Variants in PCLO observed in about 807,000 individuals in gnomAD.
PCLO encodes protein piccolo.
PCLO carries 82 observed loss-of-function variants against 427.5 expected under a neutral mutation model. The observed-to-expected ratio is 0.19, with a 90% CI of 0.16 to 0.23. The LOEUF (loss-of-function observed/expected upper bound fraction) is 0.23, where lower values mean the gene tolerates loss of function less well. Among genes scored for constraint, PCLO ranks in the 10% least tolerant of loss-of-function variants. The pLI is 1.00. For synonymous variants in PCLO, 2,357 were observed against 2,155.4 expected (o/e 1.09, Z -2.59); for missense variants, 6,239 against 6,115.9 (o/e 1.02, Z -0.67).
chr7:82,905,997 G>A (rs537209886), intron 8 of PCLO, among the ~76,000 whole-genome samples: 3 of 146,282 alleles, frequency 2.1e-5, no homozygotes, highest in Admixed American at 1.4e-4. Flanking sequence ...AGAAGGCAGA[G>A]GTTAAGCATA....
intron 3 of PCLO, among the ~76,000 whole-genome samples, chr7:83,060,969 T>C (rs1789529165): frequency 6.6e-6 from 1 of 152,226 alleles, no homozygotes; most frequent in African/African-American, 2.4e-5. Flanking sequence ...TGTAAGGTTT[T>C]AATTAATTTC....
intron 24 of PCLO, 118 bp downstream of exon 24, chr7:82,760,521 A>G: frequency 3.3e-6 from 2 of 600,320 alleles, no homozygotes; most frequent in East Asian, 6.8e-5. Context: ...CTGAAAATTA[A>G]TTAACTTCTC....
chr7:82,774,232 A>G (rs1790703273), intron 22 of PCLO, among the ~76,000 whole-genome samples: 1 of 152,126 alleles, frequency 6.6e-6, no homozygotes, highest in Non-Finnish European at 1.5e-5. Context: ...AAGAGCCACT[A>G]TTGCATATGA....
intron 3 of PCLO, among the ~76,000 whole-genome samples, chr7:83,110,670 A>C (rs558072256): frequency 6.6e-6 from 1 of 152,256 alleles, no homozygotes; most frequent in South Asian, 2.1e-4. Flanking sequence ...GAGTAATCTA[A>C]CTTCCCTATG....
intron 16 of PCLO, among the ~76,000 whole-genome samples, chr7:82,832,490 T>A (rs1007126318): frequency 1.3e-5 from 2 of 152,096 alleles, no homozygotes; most frequent in Non-Finnish European, 2.9e-5. Context: ...CCTGACCCCA[T>A]GAACCACCCT....
At chr7:83,126,932 G>T (rs1460578877) in intron 3 of PCLO, among the ~76,000 whole-genome samples, 1 of 151,970 alleles carries the variant, frequency 6.6e-6, no homozygotes, top group African/African-American at 2.4e-5. Context: ...TTGTTGGCAG[G>T]ACTATAATTA....
intron 20 of PCLO, among the ~76,000 whole-genome samples, chr7:82,813,666 T>G (rs1791618520): frequency 6.6e-6 from 1 of 151,792 alleles, no homozygotes; most frequent in African/African-American, 2.4e-5. Flanking sequence ...TTTGCTGTAG[T>G]ATCACCAACA....
At chr7:82,972,173 A>G (rs1267953968) in intron 3 of PCLO, among the ~76,000 whole-genome samples, 1 of 152,024 alleles carries the variant, frequency 6.6e-6, no homozygotes, top group Non-Finnish European at 1.5e-5. Context: ...CAGCTAGTAC[A>G]TGTTAATAAA....
rs985226688 is a variant in PCLO, at chr7:82,845,475, C to T, written c.13842G>A (p.Ala4614=). Residue 4614 remains alanine, a synonymous_variant, in exon 13 of 25, where the codon GCG becomes GCA. Coordinates refer to ENST00000333891, the MANE Select transcript of PCLO (RefSeq NM_033026.6). ...GCTTAGGATCAACCCCTGGGGATTT[C>T]GCCTTATCCACTACAACAAAATGAA... ...LHEPPKAVDK[A]KSPGVDPKQL... The T allele has an allele frequency of 2.4e-5, 39 of 1,610,214 alleles. No homozygotes were observed. Among genetic ancestry groups the T allele is most frequent in the Admixed American group, 8.4e-5 (5 of 59,662 alleles).
At chr7:83,122,192 G>A (rs1181684323) in intron 3 of PCLO, among the ~76,000 whole-genome samples, 1 of 150,940 alleles carries the variant, frequency 6.6e-6, no homozygotes, top group Non-Finnish European at 1.5e-5. Flanking sequence ...CAGACCCACA[G>A]CTGATGTACT....
At chr7:82,907,754 T>C (rs2116224358) in intron 8 of PCLO, among the ~76,000 whole-genome samples, 1 of 152,034 alleles carries the variant, frequency 6.6e-6, no homozygotes, top group East Asian at 1.9e-4. Flanking sequence ...ATTAAAAAGA[T>C]TCTAGAAAAT....
chr7:82,954,681 A>C lies in PCLO; in HGVS notation c.6272T>G (p.Met2091Arg). Reference protein sequence around the residue: ...SPTQAPIGEDMTESTMDFDRM... With the variant: ...SPTQAPIGEDRTESTMDFDRM... ...GTCAAAGTCCATGGTGGACTCTGTC[A>C]TATCCTCACCAATGGGGGCCTGGGT... Residue 2091 changes from methionine (M) to arginine (R), a missense_variant, in exon 5 of 25, where the codon ATG (methionine) becomes AGG (arginine). Coordinates refer to ENST00000333891, the MANE Select transcript of PCLO (RefSeq NM_033026.6). 8.1e-6 allele frequency: 13 copies of C among 1,613,926 alleles called. No homozygotes were observed. The highest frequency in any genetic ancestry group is 1.1e-5 in the Non-Finnish European group (13 of 1,179,860).
intron 6 of PCLO, among the ~76,000 whole-genome samples, chr7:82,940,584 A>G (rs1168823296): frequency 3.3e-5 from 5 of 152,038 alleles, no homozygotes; most frequent in African/African-American, 1.2e-4. Flanking sequence ...AATCATCTTT[A>G]GCTTCAAATC....
intron 3 of PCLO, among the ~76,000 whole-genome samples, chr7:83,133,595 C>A (rs1052203951): frequency 6.6e-6 from 1 of 151,986 alleles, no homozygotes; most frequent in Non-Finnish European, 1.5e-5. Flanking sequence ...ATATATCTTT[C>A]TTTCTTTCCA....
chr7:83,134,969 T>C lies in PCLO; in HGVS notation c.2581A>G (p.Lys861Glu). The part of the protein sequence containing the change: ...KKEEPKKAQT[K>E]MSPKPDAKPM... ...TTGGCATCTGGTTTAGGACTCATTT[T>C]GGTTTGTGCTTTCTTGGGTTCTTCC... Residue 861 changes from lysine to glutamate, a missense_variant, in exon 3 of 25, where the codon AAA (lysine) becomes GAA (glutamate). Lys to Glu is a moderately conservative substitution (Grantham distance 56). This residue lies in a region of PCLO where 4,677 missense variants were observed against 4,468.4 expected (regional missense o/e 1.05). Coordinates refer to ENST00000333891, the MANE Select transcript of PCLO (RefSeq NM_033026.6). The C allele has an allele frequency of 6.2e-7, 1 of 1,612,630 alleles. No individual in the cohort carries two copies. Among genetic ancestry groups the C allele is most frequent in the South Asian group, 1.1e-5 (1 of 90,926 alleles).
Position 82,955,873 on chromosome 7 carries a change from C to T in PCLO, c.5080G>A (p.Asp1694Asn), listed in dbSNP as rs1188740605. 2 of 1,613,724 alleles carry T rather than the reference C, an allele frequency of 1.2e-6. No individual in the cohort carries two copies. The highest frequency in any genetic ancestry group is 1.3e-5 in the African/African-American group (1 of 74,902). The change falls in exon 5 of 25, where the codon GAC becomes AAC. Residue 1694 changes from aspartate (D) to asparagine (N), a missense_variant. Asp to Asn is a conservative substitution (Grantham distance 23, BLOSUM62 1). Coordinates refer to ENST00000333891, the MANE Select transcript of PCLO (RefSeq NM_033026.6). ...SSQKKTSLYF[D>N]EEPELEMESL... ...TCCATTTCCAATTCTGGCTCTTCGT[C>T]AAAATACAAACTTGTTTTTTTCTGT...
At chr7:82,931,627 T>C (rs1237640422) in intron 6 of PCLO, among the ~76,000 whole-genome samples, 1 of 152,114 alleles carries the variant, frequency 6.6e-6, no homozygotes, top group Non-Finnish European at 1.5e-5. Flanking sequence ...CTCATTAGCT[T>C]CCCTTGTTAC....
Position 82,955,703 on chromosome 7 carries a change from T to C in PCLO, c.5250A>G (p.Gly1750=). 6.2e-7 allele frequency: 1 copy of C among 1,613,936 alleles called. No homozygotes were observed. The highest frequency in any genetic ancestry group is 8.5e-7 in the Non-Finnish European group (1 of 1,179,860). Residue 1750 remains glycine (G), a synonymous_variant, in exon 5 of 25, where the codon GGA becomes GGG. Coordinates refer to ENST00000333891, the MANE Select transcript of PCLO (RefSeq NM_033026.6). ...GAGCTTTGCGTTGCTGTTTGCTCTCTCCTTTTTTGTGACTCGGGCTACTGT... is the reference window on the plus strand; with the variant it reads ...GAGCTTTGCGTTGCTGTTTGCTCTCCCCTTTTTTGTGACTCGGGCTACTGT... ...DSDSSPSHKK[G]ESKQQRKARH... is the part of the protein sequence containing the mutation.
intron 10 of PCLO, among the ~76,000 whole-genome samples, chr7:82,866,879 G>T (rs571073670): frequency 7.2e-5 from 11 of 152,192 alleles, no homozygotes; most frequent in Non-Finnish European, 1.5e-4. Flanking sequence ...ACAGTGTCTT[G>T]CCCTCAGGAG....
Sources: allele counts gnomAD v4.1 joint callset (sites outside exome capture counted in the v4.1 genomes callset), GRCh38; gene constraint gnomAD v4.1.1; regional missense constraint gnomAD v4.1.1; transcripts MANE v1.5; gene names NCBI Gene and HGNC (gene_info 2026-07-23, HGNC 2026-07-21).